The following KIF7 variants were observed in gnomAD, a reference collection of about 807,000 sequenced individuals.
KIF7 encodes kinesin-like protein KIF7.
Under a neutral mutation model 135.7 loss-of-function variants are expected in KIF7, and 104 were observed. The observed-to-expected ratio is 0.77, with a 90% confidence interval of 0.65 to 0.90. KIF7 has a LOEUF of 0.90. Ranked by LOEUF, KIF7 falls within the 40% of genes least tolerant of loss-of-function variation. KIF7 has a pLI of 0.00. For missense variants in KIF7, 2,005 were observed against 1,839.1 expected (o/e 1.09, Z -1.65); for synonymous variants, 883 against 809.4 (o/e 1.09, Z -1.54).
intron 4 of KIF7, 92 bp downstream of exon 4, chr15:89,648,882 T>C: frequency 9.6e-6 from 14 of 1,463,156 alleles, no homozygotes; most frequent in Non-Finnish European, 1.3e-5. Flanking sequence ...GCTGGAGACC[T>C]CAGGGGACCT....
In KIF7 at chr15:89,629,411, C is replaced by T. The variant is rs567337105; in HGVS notation, c.3481G>A (p.Glu1161Lys). The T allele has an allele frequency of 1.2e-5, 19 of 1,605,858 alleles. No individual in the cohort carries two copies. The highest frequency in any genetic ancestry group is 6.7e-5 in the Admixed American group (4 of 60,000). Residue 1161 changes from glutamate to lysine, a missense_variant, in exon 17 of 19, where the codon GAG (glutamate) becomes AAG (lysine). Physicochemically the swap from Glu to Lys is moderately conservative, Grantham distance 56. Coordinates refer to ENST00000394412, the MANE Select transcript of KIF7 (RefSeq NM_198525.3). ...RQLTLQQKEH[E>K]QNMQLLLQQS... ...TGCAGGAGCAGCTGCATGTTCTGCTCGTGCTCCTTCTGCTGCAGGGTCAGC... is the reference window on the plus strand; with the variant it reads ...TGCAGGAGCAGCTGCATGTTCTGCTTGTGCTCCTTCTGCTGCAGGGTCAGC...
intron 1 of KIF7, among the ~76,000 whole-genome samples, chr15:89,622,303 AC>A (rs1297030648): frequency 2.6e-5 from 4 of 151,706 alleles, no homozygotes; most frequent in Non-Finnish European, 5.9e-5. Flanking sequence ...TGACTCTTGT[AC>A]CCACCCCCTC....
downstream of KIF7, chr15:89,625,239 C>T: frequency 6.2e-7 from 1 of 1,613,662 alleles, no homozygotes; most frequent in Non-Finnish European, 8.5e-7. Flanking sequence ...AAACCTACAT[C>T]TGCCAGGCCT....
chr15:89,637,906 A>T, intron 11 of KIF7, among the ~76,000 whole-genome samples: 20 of 111,948 alleles, frequency 1.8e-4, no homozygotes, highest in Non-Finnish European at 2.2e-4. Context: ...ATGAACATTG[A>T]TGCAAAAATC....
chr15:89,645,091 G>C lies in KIF7; in HGVS notation c.2113C>G (p.Gln705Glu). The change falls in exon 10 of 19, where the codon CAG (glutamine) becomes GAG (glutamate). Residue 705 changes from glutamine to glutamate, a missense_variant. By Grantham distance (29) the Gln-to-Glu change is conservative. Transcript: ENST00000394412. ...PATASEWRLAQAQQKIRELAI... is the reference protein window; with the variant it reads ...PATASEWRLAEAQQKIRELAI... The stretch of plus-strand genomic sequence containing the variant: ...AGCTCCCGGATCTTCTGCTGGGCCT[G>C]GGCCAGCCGCCACTCTGAGGCTGTG... 1 of 1,603,766 alleles carries C rather than the reference G, an allele frequency of 6.2e-7. No individual in the cohort carries two copies. Among genetic ancestry groups the C allele is most frequent in the Non-Finnish European group, 8.5e-7 (1 of 1,179,914 alleles).
downstream of KIF7, among the ~76,000 whole-genome samples, chr15:89,622,991 G>C (rs1325360164): frequency 1.3e-5 from 2 of 152,226 alleles, no homozygotes; most frequent in East Asian, 1.9e-4. Context: ...ATGCCAGCTA[G>C]ACTGAGAGTC....
At position 89,641,812 on chromosome 15, in the gene KIF7, A is replaced by G. The variant is rs905633969; in HGVS notation, c.2394+391T>C. ...TGAGACTCTGTCTCAAAGAAAGACT[A>G]AACCGATGGCATGGGTTTGACGGAC... is the stretch of plus-strand genomic sequence containing the variant. On this transcript the variant is annotated intron_variant, in intron 11 of 18. Coordinates refer to ENST00000394412, the MANE Select transcript of KIF7 (RefSeq NM_198525.3). Among the ~76,000 whole-genome samples the G allele has an allele frequency of 1.3e-5, 2 of 152,166 alleles. 1 individual carries two copies. Among genetic ancestry groups the G allele is most frequent in the East Asian group, 3.9e-4 (2 of 5,182 alleles).
exon 2 of KIF7, chr15:89,618,177 G>A: frequency 6.2e-7 from 1 of 1,614,098 alleles, no homozygotes; most frequent in Non-Finnish European, 8.5e-7. Context: ...TCCTGATATT[G>A]GTGTTGTTGA....
intron 10 of KIF7, among the ~76,000 whole-genome samples, chr15:89,643,542 C>G (rs1963959061): frequency 6.6e-6 from 1 of 152,186 alleles, no homozygotes; most frequent in Admixed American, 6.5e-5. Flanking sequence ...AGCGATCCAG[C>G]TATAAACAGA....
chr15:89,630,693 C>G, intron 15 of KIF7, 200 bp from the exon 16 acceptor site: 1 of 623,840 alleles, frequency 1.6e-6, no homozygotes, highest in East Asian at 2.8e-5. Flanking sequence ...GGGCACTGCT[C>G]AGAGGTGGCC....
At chr15:89,652,156 G>A (rs1302590161) in intron 2 of KIF7, among the ~76,000 whole-genome samples, 6 of 152,210 alleles carry the variant, frequency 3.9e-5, no homozygotes, top group South Asian at 4.1e-4. Flanking sequence ...GATCTTTCTC[G>A]AAACTGCTCC....
downstream of KIF7, chr15:89,624,393 C>T (rs1963476863): frequency 6.2e-7 from 1 of 1,614,202 alleles, no homozygotes; most frequent in Non-Finnish European, 8.5e-7. Context: ...CCTCAACTCC[C>T]CCTGAACTCT....
At chr15:89,645,786 G>C in intron 8 of KIF7, 107 bp downstream of exon 8, 1 of 1,451,828 alleles carries the variant, frequency 6.9e-7, no homozygotes, top group Non-Finnish European at 9.3e-7. Flanking sequence ...CTAGGACCCA[G>C]AGGCTTCCCC....
At chr15:89,644,396 C>T (rs995895152) in intron 10 of KIF7, among the ~76,000 whole-genome samples, 5 of 152,056 alleles carry the variant, frequency 3.3e-5, no homozygotes, top group African/African-American at 4.8e-5. Context: ...GAAGAAGTGC[C>T]GGGCATGGTG....
intron 2 of KIF7, among the ~76,000 whole-genome samples, chr15:89,650,932 G>T (rs573883556): frequency 5.3e-5 from 8 of 151,218 alleles, no homozygotes; most frequent in Non-Finnish European, 1.0e-4. Context: ...TGATACATTT[G>T]TTGTTGTTGT....
At chr15:89,648,802 G>A in intron 4 of KIF7, 28 bp from the exon 5 acceptor site, 2 of 1,518,424 alleles carry the variant, frequency 1.3e-6, no homozygotes, top group Non-Finnish European at 1.8e-6. Context: ...AGGCTCTCAG[G>A]GGCCCCGACG....
chr15:89,624,903 G>C, downstream of KIF7: 2 of 1,614,104 alleles, frequency 1.2e-6, no homozygotes, highest in South Asian at 1.1e-5. Flanking sequence ...CCACAGATGG[G>C]AGACAGTGCC....
At chr15:89,657,819 G>C (rs1309057502), upstream of KIF7, among the ~76,000 whole-genome samples, 1 of 152,216 alleles carries the variant, frequency 6.6e-6, no homozygotes, top group African/African-American at 2.4e-5. Context: ...TGTGGAATTT[G>C]ACAAGCTGAT....
intron 10 of KIF7, among the ~76,000 whole-genome samples, chr15:89,643,875 C>T (rs1488603559): frequency 8.9e-6 from 1 of 112,942 alleles, no homozygotes; most frequent in Non-Finnish European, 1.7e-5. Flanking sequence ...CAGAGTGAGA[C>T]TCCGTCTCAG....
Sources: allele counts gnomAD v4.1 joint callset (sites outside exome capture counted in the v4.1 genomes callset), GRCh38; gene constraint gnomAD v4.1.1; transcripts MANE v1.5; gene names NCBI Gene and HGNC (gene_info 2026-07-23, HGNC 2026-07-21).